The following ADAMTS10 variants were observed in gnomAD, a reference collection of about 807,000 sequenced individuals.
ADAMTS10 encodes the protein ADAM metallopeptidase with thrombospondin type 1 motif 10.
ADAMTS10 carries 48 observed loss-of-function variants against 135.9 expected under a neutral mutation model. The ratio of observed to expected loss-of-function variants is 0.35; its 90% confidence interval spans 0.28 to 0.45. The LOEUF (loss-of-function observed/expected upper bound fraction) is 0.45, where lower values mean the gene tolerates loss of function less well. ADAMTS10 is among the 20% of genes least tolerant of loss of function. The probability of loss-of-function intolerance (pLI) is 1.00; values close to 1 mark genes in which losing one functional copy is unlikely to be tolerated. For synonymous variants in ADAMTS10, 621 were observed against 647.5 expected (o/e 0.96, Z 0.62); for missense variants, 1,131 against 1,565.2 (o/e 0.72, Z 4.68).
chr19:8,581,159 T>C lies in ADAMTS10; in HGVS notation c.3203-157A>G, dbSNP rs1156790260. ...TTTTTTTTTTTTTTTTTTTTTTTTT[T>C]ACAGATGTTATCTTGCTATGTTGAC... is the stretch of plus-strand genomic sequence containing the variant. On this transcript the variant is annotated intron_variant, in intron 25 of 25. Transcript: ENST00000597188. 2 of 372,856 alleles carry C rather than the reference T, an allele frequency of 5.4e-6. 1 individual carries two copies. The highest frequency in any genetic ancestry group is 9.1e-6 in the Non-Finnish European group (2 of 219,086). 23.1% of individuals were successfully genotyped at this position (372,856 alleles called of 1,614,324 possible).
At position 8,605,096 on chromosome 19, in the gene ADAMTS10, CGCCCTCTGCCAGGCCAG is replaced by C; in HGVS notation, c.334_350del (p.Leu112GlyfsTer42). ...CAGCGTAGAGGCAGTGGGGCCGGGCCGCCCTCTGCCAGGCCAGGCCCTCCCGTGTCCAGTACTCCACG... is the reference window on the plus strand; with the variant it reads ...CAGCGTAGAGGCAGTGGGGCCGGGCCGCCCTCCCGTGTCCAGTACTCCACG... On this transcript the variant is annotated frameshift_variant, in exon 4 of 26. Transcript: ENST00000597188. LOFTEE classifies it high-confidence loss of function. The surrounding 1 kb of genome is among the most constrained non-coding windows in gnomAD (Gnocchi z 7.7). The C allele has an allele frequency of 6.2e-7, 1 of 1,612,884 alleles. No individual in the cohort carries two copies. Among genetic ancestry groups the C allele is most frequent in the Non-Finnish European group, 8.5e-7 (1 of 1,179,688 alleles).
intron 15 of ADAMTS10, among the ~76,000 whole-genome samples, chr19:8,591,141 G>A (rs1382927331): frequency 6.6e-6 from 1 of 152,148 alleles, no homozygotes; most frequent in East Asian, 1.9e-4. Context: ...GGAAGCTTCA[G>A]CTACAACTTT....
chr19:8,592,922 G>A (rs1555739510), intron 12 of ADAMTS10, 52 bp from the exon 13 acceptor site: 1 of 1,548,164 alleles, frequency 6.5e-7, no homozygotes, highest in South Asian at 1.1e-5. Context: ...CCTCCCTGGG[G>A]CAGCCCGCCC....
At chr19:8,590,092 G>A in intron 15 of ADAMTS10, 101 bp from the exon 16 acceptor site, 1 of 842,902 alleles carries the variant, frequency 1.2e-6, no homozygotes, top group Non-Finnish European at 2.0e-6. Context: ...GGAGGCTAGA[G>A]GCAGGGAGGC....
In ADAMTS10 at chr19:8,585,544, C is replaced by T. The variant is rs782300330; in HGVS notation, c.2777G>A (p.Ser926Asn). 6 of 1,583,524 alleles carry T rather than the reference C, an allele frequency of 3.8e-6. No individual in the cohort carries two copies. In the South Asian group the frequency reaches 5.7e-5, roughly 15 times the overall value. Residue 926 changes from serine (S) to asparagine (N), a missense_variant, in exon 23 of 26, where the codon AGC (serine) becomes AAC (asparagine). Coordinates refer to ENST00000597188, the MANE Select transcript of ADAMTS10 (RefSeq NM_030957.4). The part of the protein sequence containing the change: ...SAAEEKALDD[S>N]ACPQPRPPVL... Reference sequence around the variant, plus strand: ...AGGTGGGCGCGGCTGCGGGCATGCGCTGTCGTCCAGCGCCTTCTCCTCCGC... The same window carrying T: ...AGGTGGGCGCGGCTGCGGGCATGCGTTGTCGTCCAGCGCCTTCTCCTCCGC...
At chr19:8,589,058 A>C (rs2042480051) in intron 18 of ADAMTS10, among the ~76,000 whole-genome samples, 184 bp downstream of exon 18, 1 of 152,080 alleles carries the variant, frequency 6.6e-6, no homozygotes. Flanking sequence ...TCCAAAAGCG[A>C]TGGGATTATA....
At chr19:8,592,566 A>C (rs1321493044) in intron 13 of ADAMTS10, among the ~76,000 whole-genome samples, 197 bp downstream of exon 13, 1 of 148,584 alleles carries the variant, frequency 6.7e-6, no homozygotes, top group Non-Finnish European at 1.5e-5. Flanking sequence ...GAACCAAGGG[A>C]CGCATAGACG....
chr19:8,610,220 C>G (rs114059022), intron 1 of ADAMTS10, among the ~76,000 whole-genome samples: 17 of 151,774 alleles, frequency 1.1e-4, no homozygotes, highest in African/African-American at 4.1e-4. Flanking sequence ...TATTTACACA[C>G]TCATCACGGT....
At chr19:8,609,001 C>T (rs1459991829) in intron 1 of ADAMTS10, among the ~76,000 whole-genome samples, 5 of 142,990 alleles carry the variant, frequency 3.5e-5, no homozygotes, top group African/African-American at 1.3e-4. Flanking sequence ...CCCAGGGCAC[C>T]AGGTGGTGGG....
intron 5 of ADAMTS10, among the ~76,000 whole-genome samples, 165 bp downstream of exon 5, chr19:8,603,563 T>G (rs1245021125): frequency 6.6e-6 from 1 of 152,144 alleles, no homozygotes; most frequent in Non-Finnish European, 1.5e-5. Flanking sequence ...TGTGAGCCAC[T>G]GCACCCGGCC....
chr19:8,600,500 CTTTTTT>C (rs797035354), intron 6 of ADAMTS10, among the ~76,000 whole-genome samples: 6,966 of 129,784 alleles, frequency 0.054, 546 homozygotes, highest in African/African-American at 0.19. Flanking sequence ...TCTTTCTTTT[CTTTTTT>C]TTTTTTTTTT....
chr19:8,586,923 C>A, intron 18 of ADAMTS10, 27 bp from the exon 19 acceptor site: 1 of 1,613,506 alleles, frequency 6.2e-7, no homozygotes, highest in South Asian at 1.1e-5. Context: ...AGATGTCACC[C>A]ACTTGGCATG....
chr19:8,589,341 C>T lies in ADAMTS10; in HGVS notation c.2059G>A (p.Gly687Ser), dbSNP rs1404715484. The change falls in exon 18 of 26, where the codon GGC (glycine) becomes AGC (serine). Residue 687 changes from glycine (G) to serine (S), a missense_variant. Coordinates refer to ENST00000597188, the MANE Select transcript of ADAMTS10 (RefSeq NM_030957.4). ...CACTTGTCCTCCCGCAGGTCGGAGC[C>T]CAGGACTCGGTCGCAGCCCACGTGC... ...CKHVGCDRVL[G>S]SDLREDKCRV... 4 of 1,612,320 alleles carry T rather than the reference C, an allele frequency of 2.5e-6. No individual in the cohort carries two copies. Among genetic ancestry groups the T allele is most frequent in the Non-Finnish European group, 3.4e-6 (4 of 1,179,946 alleles).
At chr19:8,603,235 G>A (rs574752762) in intron 5 of ADAMTS10, among the ~76,000 whole-genome samples, 43 of 152,234 alleles carry the variant, frequency 2.8e-4, no homozygotes, top group Non-Finnish European at 4.3e-4. Context: ...CCACTGGTTC[G>A]CCGTCTGAGG....
In ADAMTS10 at chr19:8,583,075, C is replaced by T. The variant is rs142416834; in HGVS notation, c.3202+1820G>A. Among the ~76,000 whole-genome samples, 124 of 152,154 alleles carry T rather than the reference C, an allele frequency of 8.1e-4. 1 individual carries two copies. In the East Asian group the frequency reaches 0.022, roughly 27 times the overall value. On this transcript the variant is annotated intron_variant, in intron 25 of 25. Transcript: ENST00000597188. Reference sequence around the variant, plus strand: ...CTGGGATTACAGGCATGAGCCACCTCGCCCGGCCTGGGTGGATCATTTTAT... The same window carrying T: ...CTGGGATTACAGGCATGAGCCACCTTGCCCGGCCTGGGTGGATCATTTTAT...
chr19:8,585,343 C>A, intron 23 of ADAMTS10, 35 bp from the exon 24 acceptor site: 1 of 1,533,846 alleles, frequency 6.5e-7, no homozygotes, highest in Non-Finnish European at 8.7e-7. Flanking sequence ...GCTCAGGGTG[C>A]TGCCCCAGTG....
At position 8,605,385 on chromosome 19, in the gene ADAMTS10, G is replaced by A. The variant is rs1309706382; in HGVS notation, c.89-27C>T. 1.9e-6 allele frequency: 3 copies of A among 1,564,118 alleles called. No individual in the cohort carries two copies. The highest frequency in any genetic ancestry group is 3.8e-5 in the Admixed American group (2 of 52,610). On this transcript the variant is annotated intron_variant, in intron 3 of 25. Coordinates refer to ENST00000597188, the MANE Select transcript of ADAMTS10 (RefSeq NM_030957.4). The surrounding 1 kb of genome is among the most constrained non-coding windows in gnomAD (Gnocchi z 7.7). Reference sequence around the variant, plus strand: ...TGTGGGTGAGGGTCAGAGGCCTGGGGTGGGCCCTGGTCTTATTGGACCCCT... The same window carrying A: ...TGTGGGTGAGGGTCAGAGGCCTGGGATGGGCCCTGGTCTTATTGGACCCCT...
intron 12 of ADAMTS10, among the ~76,000 whole-genome samples, chr19:8,594,765 T>C (rs1384112178): frequency 6.6e-6 from 1 of 152,190 alleles, no homozygotes; most frequent in Non-Finnish European, 1.5e-5. Context: ...GAGAGCTCAG[T>C]AAATGTCAGA....
rs535614500 is a variant in ADAMTS10, at chr19:8,580,683, G to C, written c.*210C>G. 2 of 562,786 alleles carry C rather than the reference G, an allele frequency of 3.6e-6. No homozygotes were observed. Among genetic ancestry groups the C allele is most frequent in the East Asian group, 3.0e-5 (1 of 33,212 alleles). 34.9% of individuals were successfully genotyped at this position (562,786 alleles called of 1,614,324 possible). A position where few individuals can be genotyped will look rare whatever the true frequency, so the allele number is the denominator to read the frequency against. On this transcript the variant is annotated 3_prime_UTR_variant, in exon 26 of 26. Transcript: ENST00000597188. Reference sequence around the variant, plus strand: ...GGGGTCTCACTATGTGAACTGGAAGGGGCGGATGCTGAAGAGGGGCTCTGG... The same window carrying C: ...GGGGTCTCACTATGTGAACTGGAAGCGGCGGATGCTGAAGAGGGGCTCTGG...
Sources: allele counts gnomAD v4.1 joint callset (sites outside exome capture counted in the v4.1 genomes callset), GRCh38; gene constraint gnomAD v4.1.1; non-coding constraint Gnocchi (gnomAD v3.1); transcripts MANE v1.5; gene names NCBI Gene and HGNC (gene_info 2026-07-23, HGNC 2026-07-21).